Variants in GSK3B observed in about 807,000 individuals in gnomAD.
GSK3B encodes the protein glycogen synthase kinase 3 beta, also known as glycogen synthase kinase-3 beta.
A neutral mutation model predicts 56.4 loss-of-function variants in GSK3B; 15 were observed. That is an observed-to-expected ratio of 0.27 (90% CI 0.18 to 0.41). The LOEUF (loss-of-function observed/expected upper bound fraction) is 0.41, where lower values mean the gene tolerates loss of function less well. GSK3B is among the 10% of genes least tolerant of loss of function. GSK3B has a pLI of 1.00. For synonymous variants in GSK3B, 181 were observed against 188.9 expected (o/e 0.96, Z 0.34); for missense variants, 300 against 513.4 (o/e 0.58, Z 4.02).
intron 1 of GSK3B, among the ~76,000 whole-genome samples, chr3:120,020,051 T>C (rs755968343): frequency 6.6e-5 from 10 of 152,224 alleles, no homozygotes; most frequent in Non-Finnish European, 1.3e-4. Flanking sequence ...CTAAAGCTTT[T>C]CTGTATAACA....
intron 7 of GSK3B, among the ~76,000 whole-genome samples, chr3:119,902,272 T>C (rs185765120): frequency 6.6e-6 from 1 of 152,298 alleles, no homozygotes; most frequent in East Asian, 1.9e-4. Context: ...CAGCATTTCT[T>C]AGGAATTTTT....
chr3:119,865,693 T>C (rs1440588592), intron 8 of GSK3B, among the ~76,000 whole-genome samples: 1 of 151,476 alleles, frequency 6.6e-6, no homozygotes, highest in African/African-American at 2.4e-5. Context: ...ATGGTCTCCA[T>C]CTCCTGACCT....
intron 6 of GSK3B, among the ~76,000 whole-genome samples, chr3:119,908,790 A>G (rs955308402): frequency 4.6e-5 from 7 of 152,212 alleles, no homozygotes; most frequent in African/African-American, 1.7e-4. Context: ...AACTCTTTTC[A>G]TAAGAATACA....
At chr3:120,061,537 G>A (rs1384351245) in intron 1 of GSK3B, among the ~76,000 whole-genome samples, 1 of 152,150 alleles carries the variant, frequency 6.6e-6, no homozygotes, top group African/African-American at 2.4e-5. Flanking sequence ...TTAAATAAAT[G>A]TAATGTCTGG....
At chr3:119,985,835 T>C (rs1456380568) in intron 2 of GSK3B, among the ~76,000 whole-genome samples, 1 of 152,172 alleles carries the variant, frequency 6.6e-6, no homozygotes, top group Admixed American at 6.5e-5. Flanking sequence ...AAAAAACTAC[T>C]TTAAACTTCA....
In GSK3B at chr3:119,901,557, C is replaced by T. The variant is rs182000103; in HGVS notation, c.813+4198G>A. Reference sequence around the variant, plus strand: ...TAAAAATGTTAGCTAGAATGAGATACAGTTCGTTTAATTAAACTGTTTTAC... The same window carrying T: ...TAAAAATGTTAGCTAGAATGAGATATAGTTCGTTTAATTAAACTGTTTTAC... On this transcript the variant is annotated intron_variant, in intron 7 of 10. Transcript: ENST00000264235. Among the ~76,000 whole-genome samples the T allele has an allele frequency of 2.2e-4, 34 of 152,254 alleles. No individual in the cohort carries two copies. In the East Asian group the frequency reaches 6.6e-3, roughly 29 times the overall value.
At chr3:120,079,353 T>TCACA (rs1404251558) in intron 1 of GSK3B, among the ~76,000 whole-genome samples, 7 of 126,596 alleles carry the variant, frequency 5.5e-5, no homozygotes, top group Non-Finnish European at 1.2e-4. Flanking sequence ...CACACACATT[T>TCACA]TTTTTTTTAA....
At chr3:120,068,741 G>A (rs2058301985) in intron 1 of GSK3B, among the ~76,000 whole-genome samples, 1 of 150,916 alleles carries the variant, frequency 6.6e-6, no homozygotes, top group African/African-American at 2.4e-5. Flanking sequence ...TAATAAATTG[G>A]GGGTTAGTAG....
intron 3 of GSK3B, among the ~76,000 whole-genome samples, chr3:119,943,830 AAG>A (rs1429158268): frequency 4.6e-5 from 7 of 150,984 alleles, no homozygotes; most frequent in African/African-American, 9.7e-5. Flanking sequence ...AGAAAAGAGA[AAG>A]AGTTATATGG....
intron 7 of GSK3B, among the ~76,000 whole-genome samples, chr3:119,900,047 T>G (rs1431645790): frequency 1.3e-5 from 2 of 152,116 alleles, no homozygotes; most frequent in East Asian, 3.8e-4. Context: ...CATAGATATC[T>G]AGGTTGGTTA....
chr3:119,878,550 A>G (rs184686628), intron 7 of GSK3B, among the ~76,000 whole-genome samples: 246 of 152,330 alleles, frequency 1.6e-3, no homozygotes, highest in African/African-American at 5.6e-3. Flanking sequence ...AACAGTTTGG[A>G]AGTTTCTTAA....
chr3:120,007,287 A>ATTAAT (rs1350514394), intron 1 of GSK3B, among the ~76,000 whole-genome samples: 1 of 152,170 alleles, frequency 6.6e-6, no homozygotes, highest in East Asian at 1.9e-4. Context: ...CAACCAAAAA[A>ATTAAT]AGTCCAGGAC....
chr3:119,909,313 G>C (rs922649591), intron 6 of GSK3B, among the ~76,000 whole-genome samples: 1 of 152,148 alleles, frequency 6.6e-6, no homozygotes, highest in Non-Finnish European at 1.5e-5. Flanking sequence ...ACCAGGCCAG[G>C]TCTGTTTTTT....
At chr3:119,916,914 G>C (rs1576197267) in intron 4 of GSK3B, among the ~76,000 whole-genome samples, 1 of 152,162 alleles carries the variant, frequency 6.6e-6, no homozygotes, top group East Asian at 1.9e-4. Flanking sequence ...TGAGAAACTG[G>C]GTCTGCATGG....
intron 7 of GSK3B, among the ~76,000 whole-genome samples, chr3:119,878,272 C>A (rs543089080): frequency 1.3e-5 from 2 of 152,000 alleles, no homozygotes; most frequent in African/African-American, 2.4e-5. Flanking sequence ...TCTTATAATT[C>A]AAAAATAAGA....
At chr3:120,005,361 T>C (rs2057717813) in intron 1 of GSK3B, among the ~76,000 whole-genome samples, 1 of 152,188 alleles carries the variant, frequency 6.6e-6, no homozygotes. Flanking sequence ...CTTAAGGATA[T>C]TCACCAGGAG....
At chr3:119,942,385 T>A (rs1405272810) in intron 3 of GSK3B, among the ~76,000 whole-genome samples, 3 of 151,996 alleles carry the variant, frequency 2.0e-5, no homozygotes, top group Non-Finnish European at 4.4e-5. Flanking sequence ...TGCAACCTCC[T>A]CCTCCTGGGT....
Position 119,822,105 on chromosome 3 carries a change from G to T in GSK3B, c.*4683C>A. ...CATTGAGCATACTTTTCACAAAAAA[G>T]TTTATATTTAAAATGAAAAAAAAAT... On this transcript the variant is annotated 3_prime_UTR_variant, in exon 11 of 11. Transcript: ENST00000264235. The T allele has an allele frequency of 6.3e-6, 1 of 159,754 alleles. No individual in the cohort carries two copies. The highest frequency in any genetic ancestry group is 1.2e-5 in the Non-Finnish European group (1 of 82,636). 9.9% of individuals were successfully genotyped at this position (159,754 alleles called of 1,614,324 possible). A position where few individuals can be genotyped will look rare whatever the true frequency, so the allele number is the denominator to read the frequency against.
intron 9 of GSK3B, among the ~76,000 whole-genome samples, chr3:119,846,512 T>C (rs2108014920): frequency 6.6e-6 from 1 of 152,330 alleles, no homozygotes; most frequent in East Asian, 1.9e-4. Context: ...AGAAGATATT[T>C]ATGTGGCCAA....
Sources: allele counts gnomAD v4.1 joint callset (sites outside exome capture counted in the v4.1 genomes callset), GRCh38; gene constraint gnomAD v4.1.1; transcripts MANE v1.5; gene names NCBI Gene and HGNC (gene_info 2026-07-23, HGNC 2026-07-21).